FRYL: variants seen among roughly 807,000 people sequenced by gnomAD.
FRYL encodes the protein FRY like transcription coactivator.
Under a neutral mutation model 351.2 loss-of-function variants are expected in FRYL, and 150 were observed. The observed-to-expected ratio is 0.43, with a 90% CI of 0.37 to 0.49. FRYL has a LOEUF of 0.49. Among genes scored for constraint, FRYL ranks in the 20% least tolerant of loss-of-function variants. The pLI, the probability that FRYL is intolerant of heterozygous loss-of-function variation, is 0.00. For synonymous variants in FRYL, 1,153 were observed against 1,257.1 expected, an observed-to-expected ratio of 0.92 and a Z score of 1.75; for missense variants, 3,036 against 3,619.3, an observed-to-expected ratio of 0.84 and a Z score of 4.13.
At chr4:48,694,199 G>C (rs775649718) in intron 2 of FRYL, among the ~76,000 whole-genome samples, 19 of 152,026 alleles carry the variant, frequency 1.2e-4, no homozygotes, top group Non-Finnish European at 2.6e-4. Flanking sequence ...GGTTTCAAGT[G>C]GGGGGTGGGA....
intron 1 of FRYL, among the ~76,000 whole-genome samples, chr4:48,715,162 T>A (rs1268278217): frequency 9.2e-5 from 14 of 151,846 alleles, no homozygotes; most frequent in Non-Finnish European, 1.9e-4. Flanking sequence ...CCACAGCCCA[T>A]ATCATACTGA....
chr4:48,579,222 G>C lies in FRYL; in HGVS notation c.2279C>G (p.Pro760Arg), dbSNP rs916469068. Residue 760 changes from proline to arginine, a missense_variant, in exon 23 of 64, where the codon CCT (proline) becomes CGT (arginine). Physicochemically the swap from Pro to Arg is moderately radical, Grantham distance 103. Around this residue, in one of 7 missense-constraint regions of FRYL, gnomAD observed 492 missense variants for 551.5 expected, o/e 0.89. Coordinates refer to ENST00000358350, the MANE Select transcript of FRYL (RefSeq NM_015030.2). ...GADQTTLLYCPSSIDLQTLAE... is the reference protein window; with the variant it reads ...GADQTTLLYCRSSIDLQTLAE... Reference sequence around the variant, plus strand: ...TAAAGTTTGTAAATCTATCGAGCTAGGGCAATAGAGCAAAGTAGTCTATAT... The same window carrying C: ...TAAAGTTTGTAAATCTATCGAGCTACGGCAATAGAGCAAAGTAGTCTATAT... The C allele has an allele frequency of 9.9e-6, 16 of 1,612,190 alleles. No homozygotes were observed. Among genetic ancestry groups the C allele is most frequent in the African/African-American group, 1.3e-5 (1 of 74,812 alleles).
At chr4:48,687,291 A>G (rs1765230054) in intron 2 of FRYL, among the ~76,000 whole-genome samples, 1 of 152,142 alleles carries the variant, frequency 6.6e-6, no homozygotes, top group Admixed American at 6.5e-5. Flanking sequence ...TATTTAAAAC[A>G]AAAAAGTTCA....
chr4:48,702,783 G>A (rs13151455), intron 2 of FRYL, among the ~76,000 whole-genome samples: 5 of 98,326 alleles, frequency 5.1e-5, no homozygotes, highest in East Asian at 3.1e-4. Flanking sequence ...AAAAGAAAAA[G>A]AAAGAAAAGA....
intron 15 of FRYL, 29 bp downstream of exon 15, chr4:48,595,561 A>G: frequency 7.9e-7 from 1 of 1,269,648 alleles, no homozygotes; most frequent in African/African-American, 1.5e-5. Flanking sequence ...CAATTTATAT[A>G]CATACATACT....
intron 2 of FRYL, among the ~76,000 whole-genome samples, chr4:48,688,311 T>A (rs1765356637): frequency 6.6e-6 from 1 of 152,160 alleles, no homozygotes; most frequent in African/African-American, 2.4e-5. Flanking sequence ...TCAAATAAAT[T>A]TAAAATGATT....
chr4:48,778,168 G>A (rs1157619793), intron 1 of FRYL, among the ~76,000 whole-genome samples: 1 of 152,152 alleles, frequency 6.6e-6, no homozygotes, highest in East Asian at 1.9e-4. Flanking sequence ...TCTGTGAGAA[G>A]AATAGATTTT....
In FRYL at chr4:48,497,415, A is replaced by ATGT. The variant is rs1718688563; in HGVS notation, c.*2006_*2007insACA. 6.6e-6 allele frequency: 1 copy of ATGT among 152,568 alleles called. No homozygotes were observed. Among genetic ancestry groups the ATGT allele is most frequent in the African/African-American group, 2.4e-5 (1 of 41,444 alleles). 9.5% of individuals were successfully genotyped at this position (152,568 alleles called of 1,614,324 possible). On this transcript the variant is annotated 3_prime_UTR_variant, in exon 64 of 64. Transcript: ENST00000358350. ...TTAATAGACTTAGTTACATATAAATAAACACAAAAAGCAAATATCAACTGA... is the reference window on the plus strand; with the variant it reads ...TTAATAGACTTAGTTACATATAAATATGTAACACAAAAAGCAAATATCAACTGA...
intron 2 of FRYL, among the ~76,000 whole-genome samples, chr4:48,698,608 A>G (rs1391385300): frequency 6.6e-6 from 1 of 152,254 alleles, no homozygotes; most frequent in African/African-American, 2.4e-5. Flanking sequence ...CATAATAAGC[A>G]GTTTATTCAG....
At chr4:48,663,358 T>G (rs1161171675) in intron 3 of FRYL, among the ~76,000 whole-genome samples, 1 of 150,318 alleles carries the variant, frequency 6.7e-6, no homozygotes, top group Non-Finnish European at 1.5e-5. Flanking sequence ...TTAATTTATA[T>G]ATACATAAAA....
intron 3 of FRYL, among the ~76,000 whole-genome samples, chr4:48,662,989 G>A (rs1258566698): frequency 6.6e-6 from 1 of 152,054 alleles, no homozygotes; most frequent in African/African-American, 2.4e-5. Flanking sequence ...TTCTTCAGGT[G>A]GAAAGAAAAT....
At chr4:48,680,946 G>A (rs1455150876) in intron 3 of FRYL, 11 of 1,233,706 alleles carry the variant, frequency 8.9e-6, no homozygotes, top group Admixed American at 2.7e-5. Flanking sequence ...GTTGGTGTTC[G>A]TATTTGTCAT....
intron 3 of FRYL, among the ~76,000 whole-genome samples, chr4:48,668,061 A>T (rs1010120677): frequency 2.0e-5 from 3 of 152,184 alleles, no homozygotes; most frequent in African/African-American, 7.2e-5. Flanking sequence ...CCCAAGGCCA[A>T]ATCTGGCCCA....
chr4:48,747,983 C>T (rs543685332), intron 1 of FRYL, among the ~76,000 whole-genome samples: 1 of 152,194 alleles, frequency 6.6e-6, no homozygotes, highest in African/African-American at 2.4e-5. Context: ...TGGTGGCTCA[C>T]GCCTGTAATG....
At chr4:48,668,400 A>G (rs77345075) in intron 3 of FRYL, among the ~76,000 whole-genome samples, 3,422 of 151,706 alleles carry the variant, frequency 0.023, 138 homozygotes, top group African/African-American at 0.078. Context: ...AAAAAAAAAA[A>G]AAAGAAAGAA....
chr4:48,544,541 T>C (rs1159293235), intron 43 of FRYL, among the ~76,000 whole-genome samples: 1 of 152,206 alleles, frequency 6.6e-6, no homozygotes, highest in Non-Finnish European at 1.5e-5. Flanking sequence ...CGCAATTGTA[T>C]TGTAATTTTA....
intron 1 of FRYL, among the ~76,000 whole-genome samples, chr4:48,732,664 A>T (rs1377924867): frequency 6.6e-6 from 1 of 151,932 alleles, no homozygotes; most frequent in African/African-American, 2.4e-5. Flanking sequence ...TTCTCAGCAA[A>T]CTATCACAAG....
chr4:48,543,890 T>C lies in FRYL; in HGVS notation c.5509A>G (p.Lys1837Glu). 1 of 1,613,868 alleles carries C rather than the reference T, an allele frequency of 6.2e-7. No individual in the cohort carries two copies. Among genetic ancestry groups the C allele is most frequent in the Non-Finnish European group, 8.5e-7 (1 of 1,179,832 alleles). Residue 1837 changes from lysine to glutamate, a missense_variant, in exon 44 of 64, where the codon AAG becomes GAG. Around this residue, in one of 7 missense-constraint regions of FRYL, gnomAD observed 1,987 missense variants for 2,311.7 expected, o/e 0.86. Coordinates refer to ENST00000358350, the MANE Select transcript of FRYL (RefSeq NM_015030.2). ...AGTGTAGTTGCAGTGAGAGGCTGCT[T>C]TAGGGCCCTGAAAATCTGAAAGGAT... ...GRSFQIFRAL[K>E]QPLTATTLSD...
rs748505370 is a variant in FRYL, at chr4:48,540,694, TTC to T, written c.5952_5953del (p.Lys1985ArgfsTer4). 6.2e-7 allele frequency: 1 copy of T among 1,614,022 alleles called. No homozygotes were observed. ...AGTGGACTGCACGTCATACATTCCT[TTC>T]TCTCTTAGAGAGGAAAGGCTTCTAG... On this transcript the variant is annotated frameshift_variant, in exon 46 of 64. Coordinates refer to ENST00000358350, the MANE Select transcript of FRYL (RefSeq NM_015030.2). LOFTEE classifies it high-confidence loss of function.
Sources: allele counts gnomAD v4.1 joint callset (sites outside exome capture counted in the v4.1 genomes callset), GRCh38; gene constraint gnomAD v4.1.1; regional missense constraint gnomAD v4.1.1; transcripts MANE v1.5; gene names NCBI Gene and HGNC (gene_info 2026-07-23, HGNC 2026-07-21).